DUXA: variants seen among roughly 807,000 people sequenced by gnomAD.
The protein encoded by DUXA is double homeobox A, also known as double homeobox protein A.
In DUXA, 25 loss-of-function variants were observed where a neutral mutation model predicts 27.5. That is an observed-to-expected ratio of 0.91 (90% CI 0.66 to 1.27). DUXA has a LOEUF of 1.27. DUXA is among the 50% of genes most tolerant of loss of function. The probability of loss-of-function intolerance (pLI) is 0.00; values close to 1 mark genes in which losing one functional copy is unlikely to be tolerated. For missense variants in DUXA, 247 were observed against 242.9 expected (o/e 1.02, Z -0.11); for synonymous variants, 90 against 80.5 (o/e 1.12, Z -0.63).
Position 57,154,257 on chromosome 19 carries a change from G to T in DUXA, c.*155C>A, listed in dbSNP as rs1489161015. On this transcript the variant is annotated 3_prime_UTR_variant, in exon 6 of 6. Transcript: ENST00000554048. Reference sequence around the variant, plus strand: ...CCTGCCTTGGCCTCCCAAAGTAGTGGGATTACAAGTGTGACCCACCACATC... The same window carrying T: ...CCTGCCTTGGCCTCCCAAAGTAGTGTGATTACAAGTGTGACCCACCACATC... 3.2e-6 allele frequency: 2 copies of T among 632,792 alleles called. No individual in the cohort carries two copies. Among genetic ancestry groups the T allele is most frequent in the Non-Finnish European group, 2.7e-6 (1 of 371,192 alleles). The allele number at this position is 632,792 out of a possible 1,614,324, so 39.2% of individuals were successfully genotyped here. A position where few individuals can be genotyped will look rare whatever the true frequency, so the allele number is the denominator to read the frequency against.
intron 1 of DUXA, among the ~76,000 whole-genome samples, chr19:57,161,062 A>G (rs1223312425): frequency 6.6e-6 from 1 of 151,926 alleles, no homozygotes; most frequent in African/African-American, 2.4e-5. Flanking sequence ...ATGGTGGTTG[A>G]CGCCTGTAAT....
intron 4 of DUXA, among the ~76,000 whole-genome samples, chr19:57,157,387 A>G (rs1310773171): frequency 1.3e-5 from 2 of 151,918 alleles, no homozygotes; most frequent in Non-Finnish European, 2.9e-5. Flanking sequence ...GCTGGAGTGC[A>G]GTGGTGCAAT....
At chr19:57,156,328 A>T (rs2086992921) in intron 4 of DUXA, among the ~76,000 whole-genome samples, 1 of 152,210 alleles carries the variant, frequency 6.6e-6, no homozygotes, top group African/African-American at 2.4e-5. Flanking sequence ...ACTTATGCAT[A>T]TATACTCACA....
In DUXA at chr19:57,155,260, T is replaced by C. The variant is rs564097384; in HGVS notation, c.544+7A>G. ...GTGAACCACATTGGAAACAACAGGCTAGTTACCTTGCAGTCCCTCAGGAAT... is the reference window on the plus strand; with the variant it reads ...GTGAACCACATTGGAAACAACAGGCCAGTTACCTTGCAGTCCCTCAGGAAT... On this transcript the variant is annotated splice_region_variant and intron_variant, in intron 5 of 5. Coordinates refer to ENST00000554048, the MANE Select transcript of DUXA (RefSeq NM_001012729.2). 99 of 1,613,266 alleles carry C rather than the reference T, an allele frequency of 6.1e-5. No homozygotes were observed. In the South Asian group the frequency reaches 9.4e-4, roughly 15 times the overall value.
chr19:57,161,398 C>T (rs1318247849), intron 1 of DUXA, among the ~76,000 whole-genome samples: 102 of 143,862 alleles, frequency 7.1e-4, no homozygotes, highest in African/African-American at 1.6e-3. Context: ...CCGAGGCGGG[C>T]GGATCACAAG....
chr19:57,158,379 A>G lies in DUXA; in HGVS notation c.387T>C (p.Asp129=), dbSNP rs2087002816. The G allele has an allele frequency of 1.9e-6, 3 of 1,612,834 alleles. No individual in the cohort carries two copies. Among genetic ancestry groups the G allele is most frequent in the Non-Finnish European group, 2.5e-6 (3 of 1,180,018 alleles). ...TTTCTTTAGCAAGTTCTTCTCTGGA[A>G]TCAATCCCAGGATATGGGTTTTTCA... ...AFMKNPYPGI[D]SREELAKEIG... Residue 129 remains aspartate, a synonymous_variant, in exon 4 of 6, where the codon GAT becomes GAC. Transcript: ENST00000554048.
At chr19:57,161,435 A>AGC in intron 1 of DUXA, among the ~76,000 whole-genome samples, 1 of 150,028 alleles carries the variant, frequency 6.7e-6, no homozygotes, top group South Asian at 2.1e-4. Flanking sequence ...CATCCTGGCT[A>AGC]ACATGATGAA....
chr19:57,165,672 GC>G (rs2087050113), intron 1 of DUXA, among the ~76,000 whole-genome samples: 1 of 151,738 alleles, frequency 6.6e-6, no homozygotes, highest in Admixed American at 6.6e-5. Context: ...AGGCGTGGTG[GC>G]GGGCGTCTGT....
At chr19:57,158,758 G>A (rs1395297964) in intron 3 of DUXA, among the ~76,000 whole-genome samples, 2 of 152,154 alleles carry the variant, frequency 1.3e-5, no homozygotes, top group African/African-American at 4.8e-5. Flanking sequence ...CTGAGAGGGG[G>A]CAGATCACAA....
intron 1 of DUXA, among the ~76,000 whole-genome samples, chr19:57,165,324 AATATATAT>A (rs74179420): frequency 1.1e-5 from 1 of 89,286 alleles, no homozygotes; most frequent in Non-Finnish European, 2.3e-5. Flanking sequence ...AAAAAAAAAA[AATATATAT>A]ATATATATAT....
At chr19:57,156,489 C>T (rs2086993725) in intron 4 of DUXA, among the ~76,000 whole-genome samples, 1 of 152,170 alleles carries the variant, frequency 6.6e-6, no homozygotes, top group South Asian at 2.1e-4. Context: ...GCAGCCTCAA[C>T]CTCCTGGGCT....
intron 1 of DUXA, 33 bp from the exon 2 acceptor site, chr19:57,160,830 A>C: frequency 6.2e-7 from 1 of 1,610,606 alleles, no homozygotes; most frequent in Non-Finnish European, 8.5e-7. Context: ...GAAGCATGTA[A>C]TAGGTTAATT....
chr19:57,164,917 G>A (rs1318807615), intron 1 of DUXA, among the ~76,000 whole-genome samples: 2 of 152,114 alleles, frequency 1.3e-5, no homozygotes, highest in Non-Finnish European at 2.9e-5. Flanking sequence ...GAAAGTATGA[G>A]GGTAACCACA....
chr19:57,154,582 T>TTTG lies in DUXA; in HGVS notation c.545-101_545-100insCAA. ...CCCACCTTTTCTTTTTTTTTTTTTT[T>TTTG]AGACGGAGTCTCACTTTGTCGCCCA... On this transcript the variant is annotated intron_variant, in intron 5 of 5. Coordinates refer to ENST00000554048, the MANE Select transcript of DUXA (RefSeq NM_001012729.2). 3.4e-6 allele frequency: 3 copies of TTTG among 878,780 alleles called. No individual in the cohort carries two copies. The East Asian group carries it at 1.0e-4, about 30-fold the overall frequency. 54.4% of individuals were successfully genotyped at this position (878,780 alleles called of 1,614,324 possible). A position where few individuals can be genotyped will look rare whatever the true frequency, so the allele number is the denominator to read the frequency against.
At chr19:57,158,916 A>C (rs2087006207) in intron 3 of DUXA, among the ~76,000 whole-genome samples, 1 of 152,082 alleles carries the variant, frequency 6.6e-6, no homozygotes, top group African/African-American at 2.4e-5. Flanking sequence ...CCTGGGAGGC[A>C]GAGGTTGTAG....
rs575481321 is a variant in DUXA, at chr19:57,167,481, G to C, written c.-38C>G. 3.0e-4 allele frequency: 487 copies of C among 1,609,198 alleles called. 5 individuals carry two copies. The South Asian group carries it at 5.3e-3, about 17-fold the overall frequency. ...TCCTGAAGGCTGAGCCACTGTCTGGGAGACAAGTCACTCTGCGCAGAGACT... is the reference window on the plus strand; with the variant it reads ...TCCTGAAGGCTGAGCCACTGTCTGGCAGACAAGTCACTCTGCGCAGAGACT... On this transcript the variant is annotated 5_prime_UTR_variant, in exon 1 of 6. Coordinates refer to ENST00000554048, the MANE Select transcript of DUXA (RefSeq NM_001012729.2).
chr19:57,155,646 A>AAGATAGATAGATGATAGATAGATAGAT (rs1555757946), intron 4 of DUXA, among the ~76,000 whole-genome samples: 1 of 144,012 alleles, frequency 6.9e-6, no homozygotes, highest in Non-Finnish European at 1.5e-5. Flanking sequence ...TGCCCAACCC[A>AAGATAGATAGATGATAGATAGATAGAT]AGATAGATAG....
chr19:57,154,779 G>A (rs1012699213), intron 5 of DUXA, among the ~76,000 whole-genome samples: 1 of 151,930 alleles, frequency 6.6e-6, no homozygotes, highest in South Asian at 2.1e-4. Flanking sequence ...TAGCCAGGAT[G>A]GTCTCGATCT....
intron 4 of DUXA, among the ~76,000 whole-genome samples, chr19:57,157,328 G>A (rs1332884654): frequency 6.6e-6 from 1 of 151,958 alleles, no homozygotes; most frequent in African/African-American, 2.4e-5. Flanking sequence ...TGTCTAAAGT[G>A]GACCTCATAA....
Sources: allele counts gnomAD v4.1 joint callset (sites outside exome capture counted in the v4.1 genomes callset), GRCh38; gene constraint gnomAD v4.1.1; transcripts MANE v1.5; gene names NCBI Gene and HGNC (gene_info 2026-07-23, HGNC 2026-07-21).